CCNK: variants seen among roughly 807,000 people sequenced by gnomAD.
CCNK encodes cyclin-K.
A neutral mutation model predicts 65.0 loss-of-function variants in CCNK; 9 were observed. The ratio of observed to expected loss-of-function variants is 0.14; its 90% confidence interval spans 0.08 to 0.24. CCNK has a LOEUF of 0.24. Ranked by LOEUF, CCNK falls within the 10% of genes least tolerant of loss-of-function variation. The probability of loss-of-function intolerance (pLI) is 1.00; values close to 1 mark genes in which losing one functional copy is unlikely to be tolerated. For synonymous variants in CCNK, 279 were observed against 270.8 expected (o/e 1.03, Z -0.30); for missense variants, 474 against 720.0 (o/e 0.66, Z 3.91).
At chr14:99,484,755 G>C (rs1896442737) in intron 1 of CCNK, among the ~76,000 whole-genome samples, 1 of 152,214 alleles carries the variant, frequency 6.6e-6, no homozygotes, top group South Asian at 2.1e-4. Flanking sequence ...AGGTTTCATT[G>C]ATAAGTGGCC....
At position 99,502,825 on chromosome 14, in the gene CCNK, A is replaced by G; in HGVS notation, c.852A>G (p.Gln284=). The G allele has an allele frequency of 6.2e-7, 1 of 1,613,658 alleles. No homozygotes were observed. Among genetic ancestry groups the G allele is most frequent in the Admixed American group, 1.7e-5 (1 of 60,000 alleles). The change falls in exon 8 of 11, where the codon CAA becomes CAG. Residue 284 remains glutamine (Q), a synonymous_variant. Transcript: ENST00000389879. The stretch of plus-strand genomic sequence containing the variant: ...CCCCATCTCTTCAGCCTACACCACA[A>G]GTGCCGCAAGTACAGCAGTCACAGC... ...QQPPSLQPTP[Q]VPQVQQSQPS... is the part of the protein sequence containing the mutation.
chr14:99,502,097 A>G (rs1301201798), intron 6 of CCNK, 110 bp from the exon 7 acceptor site: 2 of 1,200,960 alleles, frequency 1.7e-6, no homozygotes, highest in Non-Finnish European at 2.2e-6. Context: ...CTTTAATTAA[A>G]TTTAGGGGAG....
rs1897089891 is a variant in CCNK at position 99,510,258 on chromosome 14, C to G, written c.1219C>G (p.Pro407Ala). ...AGTCCAGATTCCCCCTCCGGCCCAC[C>G]CGGCCCCTGTGCACCAGCCACCGCC... ...PKVQIPPPAHPAPVHQPPPLP... is the reference protein window; with the variant it reads ...PKVQIPPPAHAAPVHQPPPLP... Residue 407 changes from proline (P) to alanine (A), a missense_variant, in exon 11 of 11, where the codon CCG (proline) becomes GCG (alanine). By Grantham distance (27) the Pro-to-Ala change is conservative. Coordinates refer to ENST00000389879, the MANE Select transcript of CCNK (RefSeq NM_001099402.2). 1 of 1,558,486 alleles carries G rather than the reference C, an allele frequency of 6.4e-7. No individual in the cohort carries two copies. The highest frequency in any genetic ancestry group is 1.8e-5 in the Admixed American group (1 of 54,890).
At chr14:99,501,939 A>G (rs985024693) in intron 6 of CCNK, 9 of 313,174 alleles carry the variant, frequency 2.9e-5, no homozygotes, top group Middle Eastern at 9.3e-4. Context: ...TTTAAATAAC[A>G]TAAGTCATTT....
At chr14:99,492,552 G>C (rs939088202) in intron 1 of CCNK, 74 bp from the exon 2 acceptor site, 4 of 782,658 alleles carry the variant, frequency 5.1e-6, no homozygotes, top group Non-Finnish European at 8.1e-6. Context: ...TCCCAAACCA[G>C]GTACAATCTA....
intron 8 of CCNK, 117 bp downstream of exon 8, chr14:99,503,101 C>A (rs572235587): frequency 2.6e-6 from 3 of 1,175,558 alleles, no homozygotes; most frequent in Non-Finnish European, 2.5e-6. Flanking sequence ...GGGTGTTCGC[C>A]GAAACTCGCA....
chr14:99,493,123 C>T, intron 2 of CCNK: 1 of 490,576 alleles, frequency 2.0e-6, no homozygotes, highest in Non-Finnish European at 3.5e-6. Context: ...ACAGTTGAGG[C>T]TGGGCACAGT....
At chr14:99,488,269 C>CTT (rs202158382) in intron 1 of CCNK, among the ~76,000 whole-genome samples, 1 of 144,944 alleles carries the variant, frequency 6.9e-6, no homozygotes, top group African/African-American at 2.6e-5. Context: ...TTTGAAATTT[C>CTT]TTTTTTTTAA....
intron 1 of CCNK, among the ~76,000 whole-genome samples, chr14:99,491,277 A>G (rs888748208): frequency 1.3e-5 from 2 of 152,232 alleles, no homozygotes; most frequent in Admixed American, 6.5e-5. Flanking sequence ...CCTGGGTCAA[A>G]GAGCAAATGC....
chr14:99,502,127 A>T, intron 6 of CCNK, 80 bp from the exon 7 acceptor site: 1 of 1,378,790 alleles, frequency 7.3e-7, no homozygotes, highest in Non-Finnish European at 9.6e-7. Flanking sequence ...ATTAATGGTT[A>T]GTTATGGCAT....
chr14:99,492,606 T>C lies in CCNK; in HGVS notation c.-52-20T>C, dbSNP rs1038244522. 1.5e-6 allele frequency: 2 copies of C among 1,312,518 alleles called. No individual in the cohort carries two copies. The allele number at this position is 1,312,518 out of a possible 1,614,324, so 81.3% of individuals were successfully genotyped here. A position where few individuals can be genotyped will look rare whatever the true frequency, so the allele number is the denominator to read the frequency against. ...AGTATGGAGTATTCCTTTCCAACTT[T>C]GTTTTTCTCTTTCTCATAGGATTCT... On this transcript the variant is annotated intron_variant, in intron 1 of 10. Transcript: ENST00000389879.
chr14:99,501,158 A>G (rs1004342785), intron 5 of CCNK, 198 bp from the exon 6 acceptor site: 17 of 605,730 alleles, frequency 2.8e-5, no homozygotes, highest in Non-Finnish European at 4.6e-5. Flanking sequence ...TTTTCCATAC[A>G]TGGTGGTTCA....
chr14:99,484,009 A>G (rs1239094060), intron 1 of CCNK, among the ~76,000 whole-genome samples: 1 of 152,280 alleles, frequency 6.6e-6, no homozygotes, highest in Non-Finnish European at 1.5e-5. Flanking sequence ...CTGGCCAGAT[A>G]TAAATTTACT....
rs1897115988 is a variant in CCNK, at chr14:99,510,932, A to C, written c.*150A>C. 4.6e-6 allele frequency: 3 copies of C among 647,476 alleles called. No individual in the cohort carries two copies. Among genetic ancestry groups the C allele is most frequent in the Admixed American group, 7.7e-5 (2 of 26,010 alleles). 40.1% of individuals were successfully genotyped at this position (647,476 alleles called of 1,614,324 possible). A position where few individuals can be genotyped will look rare whatever the true frequency, so the allele number is the denominator to read the frequency against. ...GACCGGGCCCCTGGGATAAAATCAGAGTGGTCCTCACACCTAGAGGACGGG... is the reference window on the plus strand; with the variant it reads ...GACCGGGCCCCTGGGATAAAATCAGCGTGGTCCTCACACCTAGAGGACGGG... On this transcript the variant is annotated 3_prime_UTR_variant, in exon 11 of 11. Coordinates refer to ENST00000389879, the MANE Select transcript of CCNK (RefSeq NM_001099402.2).
At chr14:99,500,735 T>A in intron 4 of CCNK, 31 bp from the exon 5 acceptor site, 7 of 1,352,200 alleles carry the variant, frequency 5.2e-6, no homozygotes, top group Non-Finnish European at 7.3e-6. Flanking sequence ...CAATTGTAAT[T>A]ACTGTCCTAA....
Position 99,481,479 on chromosome 14 carries a change from G to A in CCNK, c.-53G>A. 1 of 398,718 alleles carries A rather than the reference G, an allele frequency of 2.5e-6. No individual in the cohort carries two copies. Among genetic ancestry groups the A allele is most frequent in the Non-Finnish European group, 4.4e-6 (1 of 226,120 alleles). The allele number at this position is 398,718 out of a possible 1,614,324, so 24.7% of individuals were successfully genotyped here. A position where few individuals can be genotyped will look rare whatever the true frequency, so the allele number is the denominator to read the frequency against. Reference sequence around the variant, plus strand: ...GCTGAGGGGCTTGCCTGAAGCGAGGGGTGAGTGACCCACCGACTGAGGGCA... The same window carrying A: ...GCTGAGGGGCTTGCCTGAAGCGAGGAGTGAGTGACCCACCGACTGAGGGCA... On this transcript the variant is annotated splice_region_variant and 5_prime_UTR_variant, in exon 1 of 11. Coordinates refer to ENST00000389879, the MANE Select transcript of CCNK (RefSeq NM_001099402.2).
chr14:99,483,677 A>G (rs1455668132), intron 1 of CCNK, among the ~76,000 whole-genome samples: 1 of 152,252 alleles, frequency 6.6e-6, no homozygotes, highest in Non-Finnish European at 1.5e-5. Context: ...ACAAGATTCT[A>G]ATACTGTGTG....
At chr14:99,482,935 A>G (rs1896389227) in intron 1 of CCNK, among the ~76,000 whole-genome samples, 1 of 152,252 alleles carries the variant, frequency 6.6e-6, no homozygotes, top group Non-Finnish European at 1.5e-5. Context: ...AAAAAAATCT[A>G]GAGGAATTAA....
rs560310591 is a variant in CCNK at position 99,507,032 on chromosome 14, G to T, written c.1046-44G>T. ...TTTTCTTTATGACATGCTTATTCAT[G>T]TGAAGAAGTATGAGTGGTTTTCTAA... On this transcript the variant is annotated intron_variant, in intron 9 of 10. Coordinates refer to ENST00000389879, the MANE Select transcript of CCNK (RefSeq NM_001099402.2). 4.4e-6 allele frequency: 5 copies of T among 1,127,842 alleles called. No homozygotes were observed. In the African/African-American group the frequency reaches 7.6e-5, roughly 17 times the overall value. The allele number at this position is 1,127,842 out of a possible 1,614,324, so 69.9% of individuals were successfully genotyped here. A position where few individuals can be genotyped will look rare whatever the true frequency, so the allele number is the denominator to read the frequency against.
Sources: allele counts gnomAD v4.1 joint callset (sites outside exome capture counted in the v4.1 genomes callset), GRCh38; gene constraint gnomAD v4.1.1; transcripts MANE v1.5; gene names NCBI Gene and HGNC (gene_info 2026-07-23, HGNC 2026-07-21).